ANKS1B: variants seen among roughly 807,000 people sequenced by gnomAD.
ANKS1B encodes ankyrin repeat and sterile alpha motif domain containing 1B.
ANKS1B carries 36 observed loss-of-function variants against 148.3 expected under a neutral mutation model. The ratio of observed to expected loss-of-function variants is 0.24; its 90% CI spans 0.19 to 0.32. ANKS1B has a LOEUF of 0.32. Among genes scored for constraint, ANKS1B ranks in the 10% least tolerant of loss-of-function variants. The probability of loss-of-function intolerance (pLI) is 1.00; values close to 1 mark genes in which losing one functional copy is unlikely to be tolerated. For missense variants in ANKS1B, 1,157 were observed against 1,542.6 expected, an observed-to-expected ratio of 0.75 and a Z score of 4.19; for synonymous variants, 542 against 560.8, an observed-to-expected ratio of 0.97 and a Z score of 0.47.
At chr12:98,742,815 A>T (rs2097811698), downstream of ANKS1B, among the ~76,000 whole-genome samples, 1 of 152,186 alleles carries the variant, frequency 6.6e-6, no homozygotes, top group African/African-American at 2.4e-5. Context: ...TAGAGGCAGT[A>T]AATGTGGGGC....
At chr12:98,819,800 G>C (rs1269966166) in intron 19 of ANKS1B, among the ~76,000 whole-genome samples, 1 of 152,146 alleles carries the variant, frequency 6.6e-6, no homozygotes, top group African/African-American at 2.4e-5. Context: ...CTGCACAGAA[G>C]AATCTTCTAG....
chr12:99,252,577 G>A (rs983706034), intron 12 of ANKS1B, among the ~76,000 whole-genome samples: 1 of 152,122 alleles, frequency 6.6e-6, no homozygotes, highest in African/African-American at 2.4e-5. Context: ...AGTAGGATCC[G>A]GAACTGAATC....
intron 22 of ANKS1B, among the ~76,000 whole-genome samples, chr12:98,784,485 A>C (rs2098770176): frequency 1.3e-5 from 2 of 152,238 alleles, no homozygotes; most frequent in Admixed American, 1.3e-4. Context: ...TGGCTGGCTC[A>C]CACAGGAGCT....
At chr12:99,842,749 C>G (rs1466988263) in intron 1 of ANKS1B, among the ~76,000 whole-genome samples, 1 of 152,144 alleles carries the variant, frequency 6.6e-6, no homozygotes, top group Non-Finnish European at 1.5e-5. Flanking sequence ...GCAGTGGTCC[C>G]TATACCTGTG....
chr12:98,832,086 C>A lies in ANKS1B; in HGVS notation c.2829G>T (p.Leu943=). 1 of 1,597,434 alleles carries A rather than the reference C, an allele frequency of 6.3e-7. No individual in the cohort carries two copies. Among genetic ancestry groups the A allele is most frequent in the Non-Finnish European group, 8.5e-7 (1 of 1,171,618 alleles). Residue 943 remains leucine, a synonymous_variant, in exon 18 of 27, where the codon CTG becomes CTT. Coordinates refer to ENST00000683438, the MANE Select transcript of ANKS1B (RefSeq NM_001352186.2). The stretch of plus-strand genomic sequence containing the variant: ...GGGGATCGTCGTGCAGCCTGTCTCC[C>A]AGAGATGCCAAAATACGTTTCCTGT... ...IGHRKRILAS[L]GDRLHDDPPQ... is the part of the protein sequence containing the mutation.
intron 9 of ANKS1B, among the ~76,000 whole-genome samples, chr12:99,608,935 A>G (rs1469102605): frequency 6.6e-6 from 1 of 152,066 alleles, no homozygotes; most frequent in Non-Finnish European, 1.5e-5. Flanking sequence ...CACAAGGAGG[A>G]TACAGGAGCA....
At chr12:99,826,906 T>C (rs551214341) in intron 1 of ANKS1B, among the ~76,000 whole-genome samples, 55 of 152,148 alleles carry the variant, frequency 3.6e-4, no homozygotes, top group Middle Eastern at 3.4e-3. Context: ...AGCTCACTAG[T>C]TTGAGACCAG....
chr12:98,957,476 T>C (rs2099864425), intron 17 of ANKS1B, among the ~76,000 whole-genome samples: 1 of 151,952 alleles, frequency 6.6e-6, no homozygotes, highest in Non-Finnish European at 1.5e-5. Flanking sequence ...GCCTTCTGAG[T>C]AGCTGGGACT....
intron 12 of ANKS1B, among the ~76,000 whole-genome samples, chr12:99,281,851 T>C (rs188708742): frequency 6.6e-6 from 1 of 152,310 alleles, no homozygotes; most frequent in East Asian, 1.9e-4. Context: ...ACCTACTAAA[T>C]TGAACCATAA....
chr12:99,541,758 G>A (rs1444905164), intron 9 of ANKS1B, among the ~76,000 whole-genome samples: 1 of 152,018 alleles, frequency 6.6e-6, no homozygotes, highest in Non-Finnish European at 1.5e-5. Flanking sequence ...GGGAGGCTGA[G>A]GCAGAAGAAC....
At chr12:99,072,346 T>C (rs1398432277) in intron 16 of ANKS1B, among the ~76,000 whole-genome samples, 1 of 152,142 alleles carries the variant, frequency 6.6e-6, no homozygotes, top group East Asian at 1.9e-4. Context: ...GTCAGAAACT[T>C]CATATGCATT....
At chr12:99,232,752 A>T (rs1181585181) in intron 14 of ANKS1B, among the ~76,000 whole-genome samples, 2 of 152,196 alleles carry the variant, frequency 1.3e-5, no homozygotes, top group East Asian at 3.8e-4. Context: ...ATGAGTAATT[A>T]TACCTTAACT....
chr12:99,509,779 C>T (rs1606250), intron 9 of ANKS1B, among the ~76,000 whole-genome samples: 80,081 of 151,762 alleles, frequency 0.53, 22,468 homozygotes, highest in African/African-American at 0.73. Flanking sequence ...GTAGATGAAA[C>T]AGCCTCATAC....
chr12:99,349,847 A>T lies in ANKS1B; in HGVS notation c.1756+49784T>A, dbSNP rs955638516. Among the ~76,000 whole-genome samples the T allele has an allele frequency of 5.9e-5, 9 of 152,074 alleles. No individual in the cohort carries two copies. In the East Asian group the frequency reaches 1.4e-3, roughly 23 times the overall value. On this transcript the variant is annotated intron_variant, in intron 12 of 26. Transcript: ENST00000683438. ...AACTAGACCTAATAGAGAAATACAGAACATTCTCTGGAGCTAGATATGGAT... is the reference window on the plus strand; with the variant it reads ...AACTAGACCTAATAGAGAAATACAGTACATTCTCTGGAGCTAGATATGGAT...
At chr12:99,131,705 T>G (rs1455189265) in intron 15 of ANKS1B, among the ~76,000 whole-genome samples, 2 of 152,220 alleles carry the variant, frequency 1.3e-5, no homozygotes, top group Non-Finnish European at 2.9e-5. Context: ...TTATTTTCTG[T>G]GATGATGGCT....
chr12:98,765,982 GAC>G (rs2098475566), intron 25 of ANKS1B, among the ~76,000 whole-genome samples: 1 of 152,220 alleles, frequency 6.6e-6, no homozygotes, highest in Admixed American at 6.5e-5. Context: ...CCCTGATCAT[GAC>G]ACTTGACTGC....
intron 7 of ANKS1B, among the ~76,000 whole-genome samples, chr12:99,774,275 T>A (rs1232797666): frequency 6.6e-6 from 1 of 152,040 alleles, no homozygotes; most frequent in African/African-American, 2.4e-5. Context: ...GGAATTCACA[T>A]AACTCAATAG....
At chr12:99,124,763 T>C (rs2063834680) in intron 15 of ANKS1B, among the ~76,000 whole-genome samples, 5 of 151,794 alleles carry the variant, frequency 3.3e-5, no homozygotes. Flanking sequence ...TGAGAAGGAA[T>C]GGCCTGCAAG....
At chr12:99,140,763 C>G (rs756834145) in intron 15 of ANKS1B, among the ~76,000 whole-genome samples, 3 of 152,106 alleles carry the variant, frequency 2.0e-5, no homozygotes, top group Non-Finnish European at 2.9e-5. Context: ...ATTGTCTTTT[C>G]CATGCTGAAT....
Sources: allele counts gnomAD v4.1 joint callset (sites outside exome capture counted in the v4.1 genomes callset), GRCh38; gene constraint gnomAD v4.1.1; transcripts MANE v1.5; gene names NCBI Gene and HGNC (gene_info 2026-07-23, HGNC 2026-07-21).